The following LUZP2 variants were observed in gnomAD, a reference collection of about 807,000 sequenced individuals.
LUZP2 encodes leucine zipper protein 2.
Under a neutral mutation model 51.6 loss-of-function variants are expected in LUZP2, and 52 were observed. The ratio of observed to expected loss-of-function variants is 1.01; its 90% confidence interval spans 0.81 to 1.27. The LOEUF is 1.27. Ranked by LOEUF, LUZP2 falls within the 50% of genes most tolerant of loss-of-function variation. The pLI is 0.00. For missense variants in LUZP2, 436 were observed against 395.4 expected, an observed-to-expected ratio of 1.10 and a Z score of -0.87; for synonymous variants, 154 against 137.3, an observed-to-expected ratio of 1.12 and a Z score of -0.85.
At chr11:24,787,583 C>A (rs1849285292) in intron 5 of LUZP2, among the ~76,000 whole-genome samples, 1 of 152,088 alleles carries the variant, frequency 6.6e-6, no homozygotes, top group African/African-American at 2.4e-5. Context: ...GAGTTAAACT[C>A]AATTTCTATT....
intron 1 of LUZP2, among the ~76,000 whole-genome samples, chr11:24,637,335 T>C (rs1352226963): frequency 6.6e-6 from 1 of 151,858 alleles, no homozygotes; most frequent in Non-Finnish European, 1.5e-5. Flanking sequence ...TGAGGATGTA[T>C]GTCACCTCAG....
chr11:24,753,971 G>T (rs1250529640), intron 4 of LUZP2, among the ~76,000 whole-genome samples: 2 of 152,174 alleles, frequency 1.3e-5, no homozygotes, highest in African/African-American at 4.8e-5. Context: ...GACCAGCCAA[G>T]TCTCCCTTTG....
chr11:24,689,608 C>A (rs1163139205), intron 1 of LUZP2, among the ~76,000 whole-genome samples: 3 of 152,130 alleles, frequency 2.0e-5, no homozygotes, highest in African/African-American at 7.2e-5. Flanking sequence ...CCTGACATTC[C>A]TGAGACTGGG....
intron 1 of LUZP2, among the ~76,000 whole-genome samples, chr11:24,721,413 G>C (rs1858265443): frequency 6.6e-6 from 1 of 152,126 alleles, no homozygotes; most frequent in South Asian, 2.1e-4. Flanking sequence ...AATATTGAAA[G>C]CTCTTTCTCC....
chr11:24,670,921 T>C (rs1856382263), intron 1 of LUZP2, among the ~76,000 whole-genome samples: 1 of 151,956 alleles, frequency 6.6e-6, no homozygotes, highest in African/African-American at 2.4e-5. Context: ...AATCCGATAA[T>C]AATGTGAATG....
intron 1 of LUZP2, among the ~76,000 whole-genome samples, chr11:24,558,042 C>G (rs901439365): frequency 6.6e-6 from 1 of 152,094 alleles, no homozygotes; most frequent in African/African-American, 2.4e-5. Context: ...AGGCAACATT[C>G]AAACAGCTGG....
chr11:24,818,742 A>G (rs1219703459), intron 5 of LUZP2, among the ~76,000 whole-genome samples: 2 of 152,070 alleles, frequency 1.3e-5, no homozygotes, highest in Admixed American at 6.6e-5. Context: ...CAACTTAAAC[A>G]TCACTTTCAC....
intron 9 of LUZP2, among the ~76,000 whole-genome samples, chr11:25,034,288 T>C (rs970484010): frequency 6.6e-6 from 1 of 152,136 alleles, no homozygotes; most frequent in Admixed American, 6.6e-5. Context: ...GTTTTTTGCC[T>C]GTTGATTTAA....
chr11:24,917,120 TGTAA>T (rs1271601522), intron 7 of LUZP2, among the ~76,000 whole-genome samples: 1 of 152,098 alleles, frequency 6.6e-6, no homozygotes, highest in Non-Finnish European at 1.5e-5. Context: ...CTGTTGGCTG[TGTAA>T]GTGACTTCTT....
intron 9 of LUZP2, among the ~76,000 whole-genome samples, chr11:25,031,147 G>C (rs1289469784): frequency 6.7e-6 from 1 of 148,702 alleles, no homozygotes; most frequent in Non-Finnish European, 1.5e-5. Context: ...GAGTAGCTGG[G>C]ACTACAGGCA....
intron 5 of LUZP2, among the ~76,000 whole-genome samples, chr11:24,850,206 T>C (rs1038548366): frequency 3.3e-5 from 5 of 152,252 alleles, no homozygotes; most frequent in Admixed American, 6.5e-5. Context: ...CCCATGCCTA[T>C]GTCCTGAATG....
At chr11:25,015,721 G>A (rs1476203688) in intron 9 of LUZP2, among the ~76,000 whole-genome samples, 1 of 151,972 alleles carries the variant, frequency 6.6e-6, no homozygotes, top group Non-Finnish European at 1.5e-5. Context: ...TTCCTAAATG[G>A]AGCTGTTAAA....
intron 6 of LUZP2, among the ~76,000 whole-genome samples, chr11:24,913,805 C>T (rs142452206): frequency 8.0e-4 from 121 of 151,872 alleles, no homozygotes; most frequent in African/African-American, 2.8e-3. Flanking sequence ...ATCTGAAGTC[C>T]TTATATTTAA....
intron 9 of LUZP2, among the ~76,000 whole-genome samples, chr11:25,006,420 A>G (rs1455027932): frequency 1.3e-5 from 2 of 152,158 alleles, no homozygotes; most frequent in Non-Finnish European, 2.9e-5. Context: ...CTGGAGCTGA[A>G]TGGCTTTCCT....
intron 9 of LUZP2, among the ~76,000 whole-genome samples, chr11:25,045,137 A>G (rs1018293790): frequency 4.6e-5 from 7 of 151,692 alleles, no homozygotes; most frequent in Admixed American, 1.3e-4. Flanking sequence ...CAGCACACCA[A>G]CATGGCACAT....
intron 10 of LUZP2, among the ~76,000 whole-genome samples, 169 bp from the exon 11 acceptor site, chr11:25,077,160 A>T (rs1345434145): frequency 6.6e-6 from 1 of 152,144 alleles, no homozygotes. Flanking sequence ...TCTCTCCTTG[A>T]AATCCCACTG....
intron 10 of LUZP2, among the ~76,000 whole-genome samples, chr11:25,075,950 T>A (rs978413046): frequency 6.6e-6 from 1 of 151,870 alleles, no homozygotes; most frequent in Non-Finnish European, 1.5e-5. Context: ...ATAAACTTAT[T>A]TTTTTGATGT....
intron 1 of LUZP2, among the ~76,000 whole-genome samples, chr11:24,511,715 A>G (rs1017237991): frequency 3.3e-5 from 5 of 152,204 alleles, no homozygotes; most frequent in Admixed American, 1.3e-4. Flanking sequence ...TAGACATATG[A>G]AGTACTTAAC....
At chr11:24,686,215 G>T (rs2133879447) in intron 1 of LUZP2, among the ~76,000 whole-genome samples, 1 of 78,612 alleles carries the variant, frequency 1.3e-5, no homozygotes, top group East Asian at 8.1e-4. Flanking sequence ...AGGAAAAAGT[G>T]AACTCTGCAA....
Sources: gnomAD v4.1 joint callset for allele counts (sites outside exome capture counted in the v4.1 genomes callset) on GRCh38, gnomAD v4.1.1 for gene constraint, MANE v1.5 for transcripts, NCBI Gene and HGNC (gene_info 2026-07-23, HGNC 2026-07-21) for gene names.